The following IQGAP2 variants were observed in gnomAD, a reference collection of about 807,000 sequenced individuals.
The protein encoded by IQGAP2 is ras GTPase-activating-like protein IQGAP2.
IQGAP2 carries 173 observed loss-of-function variants against 201.3 expected under a neutral mutation model. That is an observed-to-expected ratio of 0.86 (90% CI 0.76 to 0.98). The LOEUF (loss-of-function observed/expected upper bound fraction) is 0.98, where lower values mean the gene tolerates loss of function less well. IQGAP2 is among the 50% of genes least tolerant of loss of function. The probability of loss-of-function intolerance (pLI) is 0.00; values close to 1 mark genes in which losing one functional copy is unlikely to be tolerated. For synonymous variants in IQGAP2, 675 were observed against 673.9 expected (o/e 1.00, Z -0.03); for missense variants, 1,687 against 1,864.8 (o/e 0.90, Z 1.76).
chr5:76,638,523 C>G (rs1751323953), intron 16 of IQGAP2, among the ~76,000 whole-genome samples: 1 of 152,008 alleles, frequency 6.6e-6, no homozygotes, highest in Admixed American at 6.6e-5. Flanking sequence ...AATTCCCTCC[C>G]AAATATTCAG....
At chr5:76,672,017 A>G in intron 24 of IQGAP2, 34 bp downstream of exon 24, 3 of 1,472,688 alleles carry the variant, frequency 2.0e-6, no homozygotes, top group South Asian at 1.2e-5. Flanking sequence ...GTCTTCTGTT[A>G]TGTTTTATGA....
At chr5:76,565,683 C>T (rs1744695829) in intron 3 of IQGAP2, among the ~76,000 whole-genome samples, 1 of 152,190 alleles carries the variant, frequency 6.6e-6, no homozygotes, top group Non-Finnish European at 1.5e-5. Context: ...ACAGTAGGAA[C>T]TTGGGGAATA....
At chr5:76,552,956 C>G (rs1249705313) in intron 2 of IQGAP2, among the ~76,000 whole-genome samples, 2 of 152,066 alleles carry the variant, frequency 1.3e-5, no homozygotes, top group African/African-American at 4.8e-5. Flanking sequence ...TAAAGCAAAG[C>G]AAAAATTTTA....
chr5:76,456,985 T>TTTTC (rs556619312), intron 1 of IQGAP2, among the ~76,000 whole-genome samples: 4 of 152,080 alleles, frequency 2.6e-5, no homozygotes, highest in Non-Finnish European at 4.4e-5. Context: ...GGACATATTT[T>TTTTC]TTTCTTTCTT....
At chr5:76,604,792 G>A (rs542603915) in intron 11 of IQGAP2, among the ~76,000 whole-genome samples, 54 of 152,142 alleles carry the variant, frequency 3.5e-4, no homozygotes, top group Non-Finnish European at 4.9e-4. Context: ...TCTGCACTTG[G>A]CGAGGCCTCA....
chr5:76,482,081 A>G (rs1422057684), intron 2 of IQGAP2, among the ~76,000 whole-genome samples: 3 of 152,242 alleles, frequency 2.0e-5, no homozygotes, highest in Non-Finnish European at 4.4e-5. Flanking sequence ...GGAAAAATTT[A>G]CAACAGAAAG....
chr5:76,504,082 C>A (rs1038565210), intron 2 of IQGAP2, among the ~76,000 whole-genome samples: 1 of 152,228 alleles, frequency 6.6e-6, no homozygotes, highest in African/African-American at 2.4e-5. Context: ...CTGGCACTGA[C>A]TTTGGCAGCG....
At chr5:76,508,745 G>A (rs1018693596) in intron 2 of IQGAP2, among the ~76,000 whole-genome samples, 9 of 151,186 alleles carry the variant, frequency 6.0e-5, no homozygotes, top group Admixed American at 5.3e-4. Flanking sequence ...CAAATTCATA[G>A]GAAAAAATAC....
intron 2 of IQGAP2, among the ~76,000 whole-genome samples, chr5:76,508,716 A>G (rs1276036297): frequency 6.6e-6 from 1 of 151,316 alleles, no homozygotes; most frequent in Non-Finnish European, 1.5e-5. Flanking sequence ...TTTTTTTTAA[A>G]GATCACGTGA....
intron 8 of IQGAP2, 42 bp from the exon 9 acceptor site, chr5:76,592,796 T>C: frequency 7.8e-7 from 1 of 1,277,858 alleles, no homozygotes; most frequent in Non-Finnish European, 1.1e-6. Context: ...TTTGGAAATA[T>C]TTTATTTAAC....
At chr5:76,691,525 A>G (rs926962151) in intron 30 of IQGAP2, 25 of 152,166 alleles carry the variant, frequency 1.6e-4, no homozygotes, top group African/African-American at 6.0e-4. Flanking sequence ...GGTGGTGTGT[A>G]GGAAGGAAAG....
intron 2 of IQGAP2, among the ~76,000 whole-genome samples, chr5:76,558,861 C>A (rs916285403): frequency 2.6e-5 from 4 of 152,134 alleles, no homozygotes; most frequent in African/African-American, 9.7e-5. Flanking sequence ...TCCCTTCAAC[C>A]CAGTGCCTCT....
At chr5:76,610,536 C>G (rs62362043) in intron 12 of IQGAP2, among the ~76,000 whole-genome samples, 24,420 of 149,614 alleles carry the variant, frequency 0.16, 2,143 homozygotes, top group Admixed American at 0.28. Context: ...CCACAGCACT[C>G]CAGCCTGGGG....
At chr5:76,655,637 C>T (rs563443049) in intron 20 of IQGAP2, among the ~76,000 whole-genome samples, 23 of 152,134 alleles carry the variant, frequency 1.5e-4, no homozygotes, top group Middle Eastern at 3.4e-3. Context: ...TCAGTACAGC[C>T]GGGGTTTCAC....
chr5:76,681,463 T>C (rs1745286136), intron 28 of IQGAP2, among the ~76,000 whole-genome samples: 1 of 151,680 alleles, frequency 6.6e-6, no homozygotes, highest in East Asian at 1.9e-4. Flanking sequence ...CACTAATAAT[T>C]AGAGAAATCA....
At chr5:76,503,830 T>C (rs530292355) in intron 2 of IQGAP2, among the ~76,000 whole-genome samples, 10 of 151,916 alleles carry the variant, frequency 6.6e-5, no homozygotes, top group Non-Finnish European at 1.3e-4. Flanking sequence ...TGACCTCAGG[T>C]GATCCACCCA....
chr5:76,496,783 TTCTTTC>T, intron 2 of IQGAP2, among the ~76,000 whole-genome samples: 1 of 128,022 alleles, frequency 7.8e-6, no homozygotes, highest in Non-Finnish European at 1.6e-5. Context: ...CTTTCTTTCT[TTCTTTC>T]TTTCTCTTTC....
At chr5:76,534,435 T>G (rs564228911) in intron 2 of IQGAP2, among the ~76,000 whole-genome samples, 1 of 152,356 alleles carries the variant, frequency 6.6e-6, no homozygotes, top group Non-Finnish European at 1.5e-5. Flanking sequence ...AAATCTGTGA[T>G]TATCTGGATG....
At chr5:76,551,428 A>G (rs538707225) in intron 2 of IQGAP2, among the ~76,000 whole-genome samples, 5 of 149,418 alleles carry the variant, frequency 3.3e-5, no homozygotes, top group African/African-American at 1.3e-4. Flanking sequence ...CCAGGCAGAG[A>G]CACTCCTCAC....
Sources: gnomAD v4.1 joint callset for allele counts (sites outside exome capture counted in the v4.1 genomes callset) on GRCh38, gnomAD v4.1.1 for gene constraint, MANE v1.5 for transcripts, NCBI Gene and HGNC (gene_info 2026-07-23, HGNC 2026-07-21) for gene names.